ZFYVE9: variants seen among roughly 807,000 people sequenced by gnomAD.
ZFYVE9 encodes zinc finger FYVE domain-containing protein 9.
In ZFYVE9, 43 loss-of-function variants were observed where a neutral mutation model predicts 126.7. The observed-to-expected ratio is 0.34, with a 90% CI of 0.27 to 0.44. ZFYVE9 has a LOEUF of 0.44. ZFYVE9 is among the 20% of genes least tolerant of loss of function. The probability of loss-of-function intolerance (pLI) is 1.00; values close to 1 mark genes in which losing one functional copy is unlikely to be tolerated. For missense variants in ZFYVE9, 1,476 were observed against 1,697.0 expected (o/e 0.87, Z 2.29); for synonymous variants, 521 against 597.4 (o/e 0.87, Z 1.87).
intron 4 of ZFYVE9, chr1:52,253,835 C>A (rs1376023112): frequency 6.8e-7 from 1 of 1,469,652 alleles, no homozygotes. Flanking sequence ...AGAAGAAAAA[C>A]AACAGTTAAG....
At chr1:52,166,515 T>C (rs767950368) in intron 1 of ZFYVE9, among the ~76,000 whole-genome samples, 2 of 152,212 alleles carry the variant, frequency 1.3e-5, no homozygotes, top group Middle Eastern at 3.2e-3. Context: ...CTTAATCATT[T>C]TAAAATGTTT....
chr1:52,217,545 G>T (rs1174199217), intron 2 of ZFYVE9, among the ~76,000 whole-genome samples: 2 of 152,302 alleles, frequency 1.3e-5, no homozygotes, highest in African/African-American at 4.8e-5. Context: ...GGAGGTTTTT[G>T]TGAGAGCTGC....
intron 6 of ZFYVE9, among the ~76,000 whole-genome samples, chr1:52,267,653 C>T (rs553226977): frequency 6.6e-6 from 1 of 152,116 alleles, no homozygotes; most frequent in African/African-American, 2.4e-5. Flanking sequence ...CCCATTTTTT[C>T]TCTTTTCAGA....
chr1:52,244,668 T>C (rs551635164), intron 4 of ZFYVE9, among the ~76,000 whole-genome samples: 1 of 152,296 alleles, frequency 6.6e-6, no homozygotes. Context: ...GTTAGATGAA[T>C]TAAAAAATAA....
rs768661285 is a variant in ZFYVE9, at chr1:52,233,291, T to G, written c.70+15T>G. On this transcript the variant is annotated intron_variant, in intron 3 of 18. Coordinates refer to ENST00000287727, the MANE Select transcript of ZFYVE9 (RefSeq NM_004799.4). ...ACAAAACGAAGGTGAGAATTTATAT[T>G]GGTGAATCTGTTTGCCTATGTGGTA... 2.6e-6 allele frequency: 4 copies of G among 1,561,066 alleles called. No homozygotes were observed. The highest frequency in any genetic ancestry group is 3.5e-6 in the Non-Finnish European group (4 of 1,148,516).
chr1:52,312,735 A>G (rs570596302), intron 13 of ZFYVE9, among the ~76,000 whole-genome samples: 2 of 152,296 alleles, frequency 1.3e-5, no homozygotes, highest in Non-Finnish European at 2.9e-5. Flanking sequence ...AGTTATGGCT[A>G]TCTATCAGGG....
chr1:52,344,814 C>T lies in ZFYVE9; in HGVS notation c.3986C>T (p.Pro1329Leu). Residue 1329 changes from proline (P) to leucine (L), a missense_variant, in exon 18 of 19, where the codon CCT (proline) becomes CTT (leucine). By Grantham distance (98) the Pro-to-Leu change is moderately conservative. Transcript: ENST00000287727. ...GACCAGCACAATTGCCTCAGTGATCCTGCAGATCACAGTAGATTGACTGAG... is the reference window on the plus strand; with the variant it reads ...GACCAGCACAATTGCCTCAGTGATCTTGCAGATCACAGTAGATTGACTGAG... The part of the protein sequence containing the change: ...NDDQHNCLSD[P>L]ADHSRLTEHV... 6.2e-7 allele frequency: 1 copy of T among 1,614,170 alleles called. No individual in the cohort carries two copies. The highest frequency in any genetic ancestry group is 8.5e-7 in the Non-Finnish European group (1 of 1,180,022).
At chr1:52,202,315 T>G (rs1013698154) in intron 1 of ZFYVE9, among the ~76,000 whole-genome samples, 5 of 152,066 alleles carry the variant, frequency 3.3e-5, no homozygotes, top group African/African-American at 7.3e-5. Context: ...TGTCTCACTC[T>G]TTTGCCCAGA....
chr1:52,168,793 G>A (rs892446971), intron 1 of ZFYVE9, among the ~76,000 whole-genome samples: 4 of 152,128 alleles, frequency 2.6e-5, no homozygotes, highest in Non-Finnish European at 5.9e-5. Flanking sequence ...TAGGATTACA[G>A]GTATGAGCCA....
In ZFYVE9 at chr1:52,225,409, G is replaced by A. The variant is rs187181515; in HGVS notation, c.-36-7762G>A. ...TGCTCAGTGTAGTGAAAAGAAACCCGCATTTAGAAGTTTTCTCAGCAAGGA... is the reference window on the plus strand; with the variant it reads ...TGCTCAGTGTAGTGAAAAGAAACCCACATTTAGAAGTTTTCTCAGCAAGGA... On this transcript the variant is annotated intron_variant, in intron 2 of 18. Transcript: ENST00000287727. Among the ~76,000 whole-genome samples the A allele has an allele frequency of 5.3e-5, 8 of 152,314 alleles. No homozygotes were observed. The East Asian group carries it at 9.6e-4, about 18-fold the overall frequency.
intron 1 of ZFYVE9, among the ~76,000 whole-genome samples, chr1:52,143,445 T>C (rs141353628): frequency 1.6e-3 from 244 of 152,358 alleles, no homozygotes; most frequent in African/African-American, 4.9e-3. Context: ...ATAAGACTTA[T>C]AGGTACTTGC....
At chr1:52,244,138 G>A (rs562686146) in intron 4 of ZFYVE9, among the ~76,000 whole-genome samples, 4 of 152,094 alleles carry the variant, frequency 2.6e-5, no homozygotes, top group Admixed American at 6.6e-5. Flanking sequence ...ACAGAAGCCA[G>A]ATGGGAATGG....
intron 13 of ZFYVE9, among the ~76,000 whole-genome samples, chr1:52,323,003 A>G (rs1646255939): frequency 6.6e-6 from 1 of 151,914 alleles, no homozygotes; most frequent in South Asian, 2.1e-4. Context: ...ACAGGGTTTC[A>G]CCGTGTTAGC....
intron 1 of ZFYVE9, among the ~76,000 whole-genome samples, chr1:52,211,920 A>G (rs182213576): frequency 1.3e-5 from 2 of 152,252 alleles, no homozygotes; most frequent in African/African-American, 2.4e-5. Flanking sequence ...TGCATTTTAT[A>G]TTTTAAGCAT....
chr1:52,189,261 G>A (rs932392683), intron 1 of ZFYVE9, among the ~76,000 whole-genome samples: 1 of 147,276 alleles, frequency 6.8e-6, no homozygotes, highest in African/African-American at 2.5e-5. Flanking sequence ...TCTTTAGATA[G>A]GATCTCACTC....
chr1:52,169,123 G>A (rs1206247571), intron 1 of ZFYVE9, among the ~76,000 whole-genome samples: 2 of 152,090 alleles, frequency 1.3e-5, no homozygotes, highest in Non-Finnish European at 2.9e-5. Context: ...CCCCCTAGTC[G>A]AGTGCAGTGG....
At chr1:52,278,371 C>A in intron 8 of ZFYVE9, 121 bp from the exon 9 acceptor site, 1 of 1,271,862 alleles carries the variant, frequency 7.9e-7, no homozygotes, top group Non-Finnish European at 1.1e-6. Context: ...GCTCTGTATG[C>A]ACCTATTGAT....
chr1:52,190,739 C>T lies in ZFYVE9; in HGVS notation c.-142-25630C>T, dbSNP rs76130378. ...CTTTAAACATGGCTGAGATAAAGTA[C>T]TTAAATCACTTTGTCAGTATATTAA... On this transcript the variant is annotated intron_variant, in intron 1 of 18. Coordinates refer to ENST00000287727, the MANE Select transcript of ZFYVE9 (RefSeq NM_004799.4). Among the ~76,000 whole-genome samples, 764 of 152,196 alleles carry T rather than the reference C, an allele frequency of 5.0e-3. 7 individuals carry two copies. Among genetic ancestry groups the T allele is most frequent in the African/African-American group, 0.017 (717 of 41,504 alleles).
intron 4 of ZFYVE9, among the ~76,000 whole-genome samples, chr1:52,248,117 A>G (rs1345142757): frequency 6.6e-6 from 1 of 152,168 alleles, no homozygotes; most frequent in East Asian, 1.9e-4. Flanking sequence ...ACAATAATCT[A>G]TTGGCAACCT....
Sources: allele counts gnomAD v4.1 joint callset (sites outside exome capture counted in the v4.1 genomes callset), GRCh38; gene constraint gnomAD v4.1.1; transcripts MANE v1.5; gene names NCBI Gene and HGNC (gene_info 2026-07-23, HGNC 2026-07-21).